ABLIM1: variants seen among roughly 807,000 people sequenced by gnomAD.
ABLIM1 encodes the protein actin binding LIM protein 1, also known as actin-binding LIM protein 1.
In ABLIM1, 40 loss-of-function variants were observed where a neutral mutation model predicts 107.0. That is an observed-to-expected ratio of 0.37 (90% CI 0.29 to 0.49). The LOEUF (loss-of-function observed/expected upper bound fraction) is 0.49, where lower values mean the gene tolerates loss of function less well. ABLIM1 is among the 20% of genes least tolerant of loss of function. The pLI, the probability that ABLIM1 is intolerant of heterozygous loss-of-function variation, is 0.97. For missense variants in ABLIM1, 857 were observed against 1,008.5 expected (o/e 0.85, Z 2.04); for synonymous variants, 357 against 357.3 (o/e 1.00, Z 0.01).
At chr10:114,757,207 CT>C (rs976717917) in intron 1 of ABLIM1, among the ~76,000 whole-genome samples, 1 of 151,926 alleles carries the variant, frequency 6.6e-6, no homozygotes, top group African/African-American at 2.4e-5. Context: ...GATTCTTTTC[CT>C]GGTATATTGC....
intron 1 of ABLIM1, among the ~76,000 whole-genome samples, chr10:114,682,632 A>G (rs971214404): frequency 1.3e-5 from 2 of 152,186 alleles, no homozygotes; most frequent in African/African-American, 4.8e-5. Flanking sequence ...CAATTTAATT[A>G]TGACTGAGCT....
chr10:114,574,925 C>T (rs1042030179), intron 3 of ABLIM1, among the ~76,000 whole-genome samples: 3 of 152,158 alleles, frequency 2.0e-5, no homozygotes, highest in African/African-American at 4.8e-5. Context: ...AGCGTGGAAG[C>T]AGCTATAGGC....
At chr10:114,708,104 C>T (rs1417665221) in intron 1 of ABLIM1, among the ~76,000 whole-genome samples, 2 of 152,152 alleles carry the variant, frequency 1.3e-5, no homozygotes, top group Non-Finnish European at 2.9e-5. Context: ...TTAAAACCAA[C>T]CTTAGTCACT....
At chr10:114,608,312 C>T (rs1467057578) in intron 1 of ABLIM1, among the ~76,000 whole-genome samples, 3 of 151,930 alleles carry the variant, frequency 2.0e-5, no homozygotes, top group South Asian at 2.1e-4. Context: ...TGCAGTGAGG[C>T]GCGATTGCAC....
intron 20 of ABLIM1, 60 bp downstream of exon 20, chr10:114,440,022 G>A (rs1194950752): frequency 1.9e-6 from 3 of 1,612,996 alleles, no homozygotes; most frequent in Non-Finnish European, 2.5e-6. Flanking sequence ...CAGCAGTCTG[G>A]GTTGGAACAT....
the ABLIM1 span, among the ~76,000 whole-genome samples, chr10:114,783,485 C>T: frequency 2.0e-5 from 3 of 151,962 alleles, no homozygotes; most frequent in African/African-American, 7.3e-5. Context: ...AATTGATCCA[C>T]ATAGTGGTAG....
intron 1 of ABLIM1, among the ~76,000 whole-genome samples, chr10:114,652,666 ACATAAT>A (rs2079305641): frequency 6.6e-6 from 1 of 152,232 alleles, no homozygotes; most frequent in Non-Finnish European, 1.5e-5. Flanking sequence ...TCAGCTGACA[ACATAAT>A]CACTGAATCC....
upstream of ABLIM1, among the ~76,000 whole-genome samples, chr10:114,768,285 C>G (rs1194822443): frequency 6.8e-6 from 1 of 146,560 alleles, no homozygotes; most frequent in African/African-American, 2.4e-5. Flanking sequence ...CGCGGCAGCG[C>G]TGACACCCGC....
intron 1 of ABLIM1, among the ~76,000 whole-genome samples, chr10:114,622,521 A>G (rs2077535846): frequency 6.6e-6 from 1 of 152,194 alleles, no homozygotes; most frequent in Non-Finnish European, 1.5e-5. Context: ...TGCTGGTATT[A>G]TAGGTATAAG....
intron 1 of ABLIM1, 28 bp from the exon 2 acceptor site, chr10:114,601,989 G>A (rs752667843): frequency 3.1e-6 from 5 of 1,613,068 alleles, no homozygotes; most frequent in East Asian, 4.5e-5. Context: ...AAAGATCCAG[G>A]TGAGTAGAGA....
intron 4 of ABLIM1, 100 bp from the exon 5 acceptor site, chr10:114,547,876 ATCAATATTTAC>A: frequency 1.4e-6 from 2 of 1,431,582 alleles, no homozygotes; most frequent in Non-Finnish European, 1.9e-6. Flanking sequence ...CACACACTCA[ATCAATATTTAC>A]TCAAGCACCA....
Position 114,684,282 on chromosome 10 carries a change from G to A in ABLIM1, c.64+8C>T, listed in dbSNP as rs760229340. On this transcript the variant is annotated splice_region_variant and intron_variant, in intron 1 of 23. Coordinates refer to the ABLIM1 transcript ENST00000369256. ...TATATGCTGACTTTACAAAATGGACGGTCTAACCTTTGTAGTCTCCCATGG... is the reference window on the plus strand; with the variant it reads ...TATATGCTGACTTTACAAAATGGACAGTCTAACCTTTGTAGTCTCCCATGG... 29 of 1,611,770 alleles carry A rather than the reference G, an allele frequency of 1.8e-5. No homozygotes were observed. In the East Asian group the frequency reaches 2.7e-4, roughly 15 times the overall value.
chr10:114,471,441 C>A (rs933389091), intron 10 of ABLIM1, among the ~76,000 whole-genome samples: 8 of 152,214 alleles, frequency 5.3e-5, no homozygotes, highest in African/African-American at 1.9e-4. Flanking sequence ...AACTTCCCCT[C>A]GCCTCTTATG....
intron 6 of ABLIM1, among the ~76,000 whole-genome samples, chr10:114,522,750 T>C (rs1163333985): frequency 6.6e-6 from 1 of 152,204 alleles, no homozygotes; most frequent in Non-Finnish European, 1.5e-5. Context: ...CAGGGTTTGT[T>C]TCCTCTTTGA....
intron 1 of ABLIM1, chr10:114,632,324 A>G: frequency 1.0e-6 from 1 of 985,378 alleles, no homozygotes; most frequent in Non-Finnish European, 1.2e-6. Context: ...CCCCTCCCAC[A>G]GTCTGATAAA....
chr10:114,778,568 GACACAC>G, the ABLIM1 span: 44,788 of 131,184 alleles, frequency 0.34, 7,894 homozygotes, highest in Non-Finnish European at 0.45. Context: ...TCATCATCCA[GACACAC>G]ACACACACAC....
chr10:114,656,722 C>T (rs116209871), intron 1 of ABLIM1, among the ~76,000 whole-genome samples: 1,584 of 152,238 alleles, frequency 0.01, 31 homozygotes, highest in African/African-American at 0.037. Flanking sequence ...AATATCTATA[C>T]GGTGAAATAG....
At chr10:114,552,766 T>C (rs1252984776) in intron 4 of ABLIM1, among the ~76,000 whole-genome samples, 2 of 152,216 alleles carry the variant, frequency 1.3e-5, no homozygotes, top group African/African-American at 4.8e-5. Context: ...GCTGCAAAAG[T>C]AAGTTGAAGA....
At position 114,473,960 on chromosome 10, in the gene ABLIM1, T is replaced by C. The variant is rs751373730; in HGVS notation, c.1042-4A>G. The C allele has an allele frequency of 4.3e-6, 7 of 1,612,220 alleles. No individual in the cohort carries two copies. The highest frequency in any genetic ancestry group is 1.7e-5 in the Admixed American group (1 of 59,998). On this transcript the variant is annotated splice_polypyrimidine_tract_variant and splice_region_variant and intron_variant, in intron 8 of 22. Coordinates refer to ENST00000533213, the MANE Select transcript of ABLIM1 (RefSeq NM_002313.7). Reference sequence around the variant, plus strand: ...TTTCCGAGGATGTCCTGGTAGGCTGTAAAATAAACAGTGACTTGTAAGACT... The same window carrying C: ...TTTCCGAGGATGTCCTGGTAGGCTGCAAAATAAACAGTGACTTGTAAGACT...
Sources: allele counts gnomAD v4.1 joint callset (sites outside exome capture counted in the v4.1 genomes callset), GRCh38; gene constraint gnomAD v4.1.1; transcripts MANE v1.5; gene names NCBI Gene and HGNC (gene_info 2026-07-23, HGNC 2026-07-21).